The following AUTS2 variants were observed in gnomAD, a reference collection of about 807,000 sequenced individuals.
The protein encoded by AUTS2 is activator of transcription and developmental regulator AUTS2, also known as autism susceptibility gene 2 protein.
AUTS2 carries 17 observed loss-of-function variants against 112.4 expected under a neutral mutation model. The observed-to-expected ratio is 0.15, with a 90% CI of 0.10 to 0.23. The LOEUF (loss-of-function observed/expected upper bound fraction) is 0.23. Among genes scored for constraint, AUTS2 ranks in the 10% least tolerant of loss-of-function variants. The pLI, the probability that AUTS2 is intolerant of heterozygous loss-of-function variation, is 1.00. For missense variants in AUTS2, 1,510 were observed against 1,701.6 expected, an observed-to-expected ratio of 0.89 and a Z score of 1.98; for synonymous variants, 751 against 702.7, an observed-to-expected ratio of 1.07 and a Z score of -1.09.
intron 5 of AUTS2, among the ~76,000 whole-genome samples, chr7:70,645,313 CCT>C (rs1806095689): frequency 6.6e-6 from 1 of 151,084 alleles, no homozygotes; most frequent in Non-Finnish European, 1.5e-5. Context: ...TCCCCAGACC[CCT>C]CTCTTCCCTC....
intron 1 of AUTS2, among the ~76,000 whole-genome samples, chr7:69,656,005 C>T (rs1001935518): frequency 3.3e-5 from 5 of 152,214 alleles, no homozygotes; most frequent in South Asian, 2.1e-4. Flanking sequence ...ATATGCTCAT[C>T]GTTGTCAAGA....
intron 5 of AUTS2, among the ~76,000 whole-genome samples, chr7:70,674,213 G>C (rs1433904428): frequency 1.3e-5 from 2 of 152,216 alleles, no homozygotes; most frequent in African/African-American, 4.8e-5. Flanking sequence ...TCAGGCATTG[G>C]TTAAAATAGG....
chr7:69,608,472 C>T (rs554116787), intron 1 of AUTS2, among the ~76,000 whole-genome samples: 3 of 152,252 alleles, frequency 2.0e-5, no homozygotes, highest in East Asian at 3.9e-4. Flanking sequence ...ATAAGTATTT[C>T]TTAGTTGTTA....
intron 1 of AUTS2, among the ~76,000 whole-genome samples, chr7:69,764,501 A>G (rs1358196862): frequency 1.3e-5 from 2 of 151,878 alleles, no homozygotes; most frequent in Non-Finnish European, 2.9e-5. Context: ...AGCAGTTCTT[A>G]GAGACAACTG....
intron 4 of AUTS2, among the ~76,000 whole-genome samples, chr7:70,177,679 C>T (rs941221409): frequency 1.1e-4 from 17 of 151,994 alleles, no homozygotes; most frequent in Non-Finnish European, 5.9e-5. Context: ...CTAGGGGTTT[C>T]GTTAAGGAAA....
chr7:70,387,066 A>G (rs1793644123), intron 4 of AUTS2, among the ~76,000 whole-genome samples: 1 of 152,094 alleles, frequency 6.6e-6, no homozygotes, highest in South Asian at 2.1e-4. Flanking sequence ...AACCTACAGT[A>G]ATACTCCACG....
chr7:70,496,725 A>G (rs1473999803), intron 5 of AUTS2, among the ~76,000 whole-genome samples: 1 of 140,116 alleles, frequency 7.1e-6, no homozygotes, highest in East Asian at 2.3e-4. Context: ...CACCCCACAC[A>G]TGCACACGTC....
At chr7:69,844,852 A>C (rs1041136841) in intron 1 of AUTS2, among the ~76,000 whole-genome samples, 2 of 152,188 alleles carry the variant, frequency 1.3e-5, no homozygotes, top group Non-Finnish European at 2.9e-5. Context: ...ACTACCTAAC[A>C]GTGTGTTCAG....
intron 2 of AUTS2, among the ~76,000 whole-genome samples, chr7:70,080,210 AT>A (rs1803235233): frequency 6.6e-6 from 1 of 152,208 alleles, no homozygotes; most frequent in Non-Finnish European, 1.5e-5. Context: ...ATTTAAAAGT[AT>A]GTTGTATTTG....
At chr7:70,346,752 G>T (rs2129621601) in intron 4 of AUTS2, among the ~76,000 whole-genome samples, 1 of 152,242 alleles carries the variant, frequency 6.6e-6, no homozygotes, top group African/African-American at 2.4e-5. Flanking sequence ...TTAGGATGAA[G>T]AACTAGAGCA....
intron 6 of AUTS2, among the ~76,000 whole-genome samples, chr7:70,724,245 A>T (rs1424743561): frequency 1.3e-5 from 2 of 152,072 alleles, no homozygotes; most frequent in Non-Finnish European, 1.5e-5. Flanking sequence ...GCACATATAT[A>T]CCTTTAGGTG....
intron 2 of AUTS2, among the ~76,000 whole-genome samples, chr7:69,950,511 T>TG (rs1223238853): frequency 6.6e-6 from 1 of 152,196 alleles, no homozygotes; most frequent in Non-Finnish European, 1.5e-5. Flanking sequence ...TGGGAGACAG[T>TG]GTGTTAAGTT....
chr7:69,654,021 A>G (rs1165422906), intron 1 of AUTS2, among the ~76,000 whole-genome samples: 1 of 152,216 alleles, frequency 6.6e-6, no homozygotes, highest in Non-Finnish European at 1.5e-5. Flanking sequence ...AAACTTCTGT[A>G]TTCTGTGCTA....
intron 4 of AUTS2, among the ~76,000 whole-genome samples, chr7:70,339,407 A>T (rs1791153497): frequency 1.3e-5 from 2 of 152,210 alleles, no homozygotes; most frequent in African/African-American, 4.8e-5. Context: ...TTTATTCAAC[A>T]CAGAAATATA....
chr7:70,486,280 G>C (rs1021860139), intron 5 of AUTS2, among the ~76,000 whole-genome samples: 1 of 152,138 alleles, frequency 6.6e-6, no homozygotes, highest in Admixed American at 6.5e-5. Context: ...CTTGTCTCTC[G>C]CTGTACCCTT....
chr7:69,649,367 C>T (rs761384777), intron 1 of AUTS2, among the ~76,000 whole-genome samples: 5 of 152,204 alleles, frequency 3.3e-5, no homozygotes, highest in Non-Finnish European at 2.9e-5. Flanking sequence ...CAAACTACCT[C>T]CTTTTGCCTG....
intron 1 of AUTS2, among the ~76,000 whole-genome samples, chr7:69,825,280 G>A (rs929728474): frequency 1.3e-5 from 2 of 152,154 alleles, no homozygotes; most frequent in African/African-American, 4.8e-5. Context: ...GGTCACATTA[G>A]AATCACTGGC....
chr7:70,478,924 G>T lies in AUTS2; in HGVS notation c.690+43143G>T, dbSNP rs143570848. Among the ~76,000 whole-genome samples, 159 of 152,198 alleles carry T rather than the reference G, an allele frequency of 1.0e-3. 1 individual carries two copies. The East Asian group carries it at 0.013, about 12-fold the overall frequency. On this transcript the variant is annotated intron_variant, in intron 5 of 18. Transcript: ENST00000342771. ...TTGAGCTCTTTAAAAGTGGAGATTAGATGTTATGTCGCCAGACCCTTAACT... is the reference window on the plus strand; with the variant it reads ...TTGAGCTCTTTAAAAGTGGAGATTATATGTTATGTCGCCAGACCCTTAACT...
chr7:69,656,380 C>T (rs1294838578), intron 1 of AUTS2, among the ~76,000 whole-genome samples: 2 of 152,222 alleles, frequency 1.3e-5, no homozygotes, highest in Non-Finnish European at 2.9e-5. Context: ...GGTTAACAGT[C>T]TCTCTGTTGG....
Sources: allele counts gnomAD v4.1 joint callset (sites outside exome capture counted in the v4.1 genomes callset), GRCh38; gene constraint gnomAD v4.1.1; transcripts MANE v1.5; gene names NCBI Gene and HGNC (gene_info 2026-07-23, HGNC 2026-07-21).